Variants in ZFHX3 observed in about 807,000 individuals in gnomAD.
The protein encoded by ZFHX3 is zinc finger homeobox protein 3.
ZFHX3 carries 42 observed loss-of-function variants against 279.1 expected under a neutral mutation model. The observed-to-expected ratio is 0.15, with a 90% CI of 0.12 to 0.19. The LOEUF (loss-of-function observed/expected upper bound fraction) is 0.19. ZFHX3 is among the 10% of genes least tolerant of loss of function. ZFHX3 has a pLI of 1.00. For missense variants in ZFHX3, 4,981 were observed against 4,754.0 expected (o/e 1.05, Z -1.40); for synonymous variants, 2,293 against 1,957.8 (o/e 1.17, Z -4.52).
At chr16:73,488,347 A>C (rs1205618429) in intron 2 of ZFHX3, among the ~76,000 whole-genome samples, 1 of 152,170 alleles carries the variant, frequency 6.6e-6, no homozygotes, top group Non-Finnish European at 1.5e-5. Context: ...TGAAAAGAGC[A>C]ACATGGACCT....
chr16:73,787,289 C>G (rs1365523034), intron 1 of ZFHX3, among the ~76,000 whole-genome samples: 1 of 152,130 alleles, frequency 6.6e-6, no homozygotes, highest in African/African-American at 2.4e-5. Flanking sequence ...GAGGGAAAAG[C>G]AACCAGACAG....
At chr16:72,799,323 C>T (rs1352344491) in intron 8 of ZFHX3, among the ~76,000 whole-genome samples, 1 of 152,184 alleles carries the variant, frequency 6.6e-6, no homozygotes, top group Non-Finnish European at 1.5e-5. Flanking sequence ...ATTTAAAATA[C>T]ATTTTTTTCC....
At chr16:72,890,478 T>C (rs2038745042) in intron 3 of ZFHX3, among the ~76,000 whole-genome samples, 1 of 151,472 alleles carries the variant, frequency 6.6e-6, no homozygotes, top group African/African-American at 2.4e-5. Flanking sequence ...GGTCTTCAAC[T>C]GTGAGATTCC....
intron 5 of ZFHX3, among the ~76,000 whole-genome samples, chr16:73,158,557 A>G (rs1255028110): frequency 1.3e-5 from 2 of 152,164 alleles, no homozygotes; most frequent in African/African-American, 4.8e-5. Context: ...TTAGACATAT[A>G]CAGCATAAAC....
chr16:73,255,039 A>G (rs2013625707), intron 5 of ZFHX3, among the ~76,000 whole-genome samples: 1 of 152,226 alleles, frequency 6.6e-6, no homozygotes. Context: ...AAATGGTAGC[A>G]GCAGCTATTG....
chr16:73,550,492 C>T (rs1469861880), intron 2 of ZFHX3, among the ~76,000 whole-genome samples: 3 of 152,148 alleles, frequency 2.0e-5, no homozygotes, highest in African/African-American at 4.8e-5. Flanking sequence ...GGCCCTTTTA[C>T]ACCACACAGG....
At chr16:73,424,322 G>T (rs2017771084) in intron 3 of ZFHX3, among the ~76,000 whole-genome samples, 1 of 152,142 alleles carries the variant, frequency 6.6e-6, no homozygotes, top group Admixed American at 6.5e-5. Flanking sequence ...GTCATGCAAG[G>T]TGCCCAACTC....
intron 1 of ZFHX3, among the ~76,000 whole-genome samples, chr16:73,055,677 TACGCGCGCGCGCGC>T (rs1292979328): frequency 2.2e-4 from 20 of 91,322 alleles, no homozygotes; most frequent in African/African-American, 6.5e-4. Flanking sequence ...GGTGCAGACG[TACGCGCGCGCGCGC>T]GCGCGCGCAC....
At chr16:72,854,628 C>T (rs1298681146) in intron 4 of ZFHX3, among the ~76,000 whole-genome samples, 1 of 152,038 alleles carries the variant, frequency 6.6e-6, no homozygotes, top group Non-Finnish European at 1.5e-5. Context: ...GGACAAACCA[C>T]AAACTTTTTG....
chr16:73,722,215 A>C (rs762251131), intron 1 of ZFHX3, among the ~76,000 whole-genome samples: 6 of 152,182 alleles, frequency 3.9e-5, no homozygotes, highest in Non-Finnish European at 7.3e-5. Context: ...GGAGCAGTGG[A>C]CAATAAGTAG....
intron 7 of ZFHX3, chr16:72,807,369 G>A (rs1028512265): frequency 6.6e-6 from 1 of 152,146 alleles, no homozygotes; most frequent in African/African-American, 2.4e-5. Context: ...CTGTGGGTGT[G>A]GTCTCCATAG....
At chr16:73,421,741 C>T (rs996358281) in intron 3 of ZFHX3, among the ~76,000 whole-genome samples, 3 of 152,086 alleles carry the variant, frequency 2.0e-5, no homozygotes. Flanking sequence ...GGATGGGCCA[C>T]CCTAGTTTCA....
At chr16:73,643,119 T>G (rs2052588353) in intron 2 of ZFHX3, among the ~76,000 whole-genome samples, 1 of 152,200 alleles carries the variant, frequency 6.6e-6, no homozygotes, top group African/African-American at 2.4e-5. Context: ...GTCAGCACCT[T>G]GTGCAAAAGA....
intron 1 of ZFHX3, among the ~76,000 whole-genome samples, chr16:73,683,017 G>GAAAGAAA (rs1567550874): frequency 8.1e-5 from 12 of 148,588 alleles, no homozygotes; most frequent in African/African-American, 2.7e-4. Context: ...GAAAGAGAAA[G>GAAAGAAA]GAGGGAGGGA....
rs189424361 is a variant in ZFHX3, at chr16:73,823,203, T to C, written c.-1608+68448A>G. On this transcript the variant is annotated intron_variant, in intron 1 of 17. Transcript: ENST00000641206. ...CAAATCCATGAGGTCAGGGAAAGCT[T>C]AAGTAGGCTAAGACCTTACACCAAA... is the stretch of plus-strand genomic sequence containing the variant. Among the ~76,000 whole-genome samples, 261 of 152,252 alleles carry C rather than the reference T, an allele frequency of 1.7e-3. 1 individual carries two copies. The highest frequency in any genetic ancestry group is 5.1e-3 in the Admixed American group (78 of 15,290).
intron 2 of ZFHX3, among the ~76,000 whole-genome samples, chr16:73,576,781 C>G (rs190623962): frequency 1.7e-3 from 264 of 152,166 alleles, no homozygotes; most frequent in Middle Eastern, 0.014. Context: ...TAGGTAAACT[C>G]ATGTCAGGAG....
intron 5 of ZFHX3, among the ~76,000 whole-genome samples, chr16:73,165,742 C>A (rs1219736764): frequency 6.6e-6 from 1 of 152,094 alleles, no homozygotes; most frequent in Middle Eastern, 3.2e-3. Flanking sequence ...GCTACTCTTA[C>A]GAGCTGGCCC....
At chr16:73,255,951 A>ACG (rs1432937859) in intron 5 of ZFHX3, among the ~76,000 whole-genome samples, 70 of 152,242 alleles carry the variant, frequency 4.6e-4, no homozygotes, top group African/African-American at 1.6e-3. Context: ...ACATACAAAC[A>ACG]TGATTTCCTA....
chr16:73,534,962 A>G (rs1567512383), intron 2 of ZFHX3, among the ~76,000 whole-genome samples: 1 of 152,124 alleles, frequency 6.6e-6, no homozygotes, highest in African/African-American at 2.4e-5. Context: ...CGGGGAGAGG[A>G]AGCAGGCCCC....
Sources: gnomAD v4.1 joint callset for allele counts (sites outside exome capture counted in the v4.1 genomes callset) on GRCh38, gnomAD v4.1.1 for gene constraint, MANE v1.5 for transcripts, NCBI Gene and HGNC (gene_info 2026-07-23, HGNC 2026-07-21) for gene names.